The following ALG9 variants were observed in gnomAD, a reference collection of about 807,000 sequenced individuals.
ALG9 encodes the protein alpha-1,2-mannosyltransferase ALG9.
Under a neutral mutation model 81.8 loss-of-function variants are expected in ALG9, and 55 were observed. That is an observed-to-expected ratio of 0.67 (90% CI 0.54 to 0.84). ALG9 has a LOEUF of 0.84. Ranked by LOEUF, ALG9 falls within the 40% of genes least tolerant of loss-of-function variation. The pLI is 0.00. For missense variants in ALG9, 629 were observed against 745.0 expected (o/e 0.84, Z 1.81); for synonymous variants, 278 against 274.3 (o/e 1.01, Z -0.13).
chr11:111,786,508 C>T lies in ALG9; in HGVS notation c.1746G>A (p.Leu582=). 3 of 1,613,902 alleles carry T rather than the reference C, an allele frequency of 1.9e-6. No homozygotes were observed. The highest frequency in any genetic ancestry group is 3.3e-4 in the Middle Eastern group (2 of 6,060). Residue 582 remains leucine, a synonymous_variant, in exon 15 of 15, where the codon CTG becomes CTA. Coordinates refer to ENST00000616540, the MANE Select transcript of ALG9 (RefSeq NM_024740.2). ...PFLDASRSSK[L]LRAFYVPFLS... ...GGAAGGGGACATAGAATGCCCGCAGCAGCTTTGAAGATCTGAAAAACAAGG... is the reference window on the plus strand; with the variant it reads ...GGAAGGGGACATAGAATGCCCGCAGTAGCTTTGAAGATCTGAAAAACAAGG...
the ALG9 span, among the ~76,000 whole-genome samples, chr11:111,768,445 A>G: frequency 6.6e-6 from 1 of 152,094 alleles, no homozygotes; most frequent in Non-Finnish European, 1.5e-5. Context: ...ATATTCGTAA[A>G]TTTAAATAAC....
chr11:111,775,153 C>T, the ALG9 span, among the ~76,000 whole-genome samples: 1 of 152,176 alleles, frequency 6.6e-6, no homozygotes, highest in Non-Finnish European at 1.5e-5. Context: ...GCTAGGCACA[C>T]TGCCCCCAGG....
At chr11:111,806,285 A>G (rs1409373883) in intron 14 of ALG9, among the ~76,000 whole-genome samples, 3 of 152,154 alleles carry the variant, frequency 2.0e-5, no homozygotes, top group African/African-American at 7.2e-5. Context: ...AGACTTGTCC[A>G]TATTTGCTAC....
chr11:111,817,472 A>C (rs1555098659), intron 13 of ALG9: 1 of 152,184 alleles, frequency 6.6e-6, no homozygotes, highest in Non-Finnish European at 1.5e-5. Flanking sequence ...ACTGCACTCC[A>C]GGCTGGGAGA....
chr11:111,870,188 T>C (rs1963847768), intron 2 of ALG9, 44 bp downstream of exon 2: 2 of 1,597,686 alleles, frequency 1.3e-6, no homozygotes, highest in Non-Finnish European at 8.5e-7. Flanking sequence ...ACACCTATGC[T>C]GCAAAATCAA....
chr11:111,820,958 T>C (rs1952256281), intron 13 of ALG9, among the ~76,000 whole-genome samples: 1 of 150,288 alleles, frequency 6.7e-6, no homozygotes, highest in East Asian at 1.9e-4. Context: ...AAGCCAGGTA[T>C]GGTGGTGTGC....
intron 13 of ALG9, among the ~76,000 whole-genome samples, chr11:111,827,228 G>A (rs1204679776): frequency 2.6e-5 from 4 of 152,156 alleles, no homozygotes; most frequent in Admixed American, 6.5e-5. Context: ...TGTAATCCCA[G>A]CACTCTGGAA....
intron 8 of ALG9, among the ~76,000 whole-genome samples, chr11:111,850,966 A>G (rs1352181083): frequency 6.6e-6 from 1 of 152,094 alleles, no homozygotes; most frequent in Non-Finnish European, 1.5e-5. Flanking sequence ...TCATTAAAGT[A>G]GGCAGAAAGA....
downstream of ALG9, among the ~76,000 whole-genome samples, chr11:111,781,319 T>G (rs1945925077): frequency 6.6e-6 from 1 of 152,170 alleles, no homozygotes; most frequent in Non-Finnish European, 1.5e-5. Flanking sequence ...AAAAATTTAT[T>G]CCAGCTGGGT....
intron 3 of ALG9, 71 bp downstream of exon 3, chr11:111,868,530 CT>C: frequency 6.5e-7 from 1 of 1,531,420 alleles, no homozygotes; most frequent in Non-Finnish European, 8.8e-7. Context: ...TCATTTTGTC[CT>C]TTTCTCAAAA....
the ALG9 span, among the ~76,000 whole-genome samples, chr11:111,775,196 G>C: frequency 6.6e-6 from 1 of 152,190 alleles, no homozygotes; most frequent in Non-Finnish European, 1.5e-5. Flanking sequence ...TTTAGCAACA[G>C]CAGGGCCAAC....
chr11:111,846,298 C>T (rs1176217357), intron 8 of ALG9, among the ~76,000 whole-genome samples: 3 of 152,120 alleles, frequency 2.0e-5, no homozygotes, highest in Non-Finnish European at 4.4e-5. Context: ...TGAAGAAAAA[C>T]CATAGAGTGA....
Position 111,850,706 on chromosome 11 carries a change from C to CAAAAAAAAAAAAAAAA in ALG9, c.895+2658_895+2673dup, listed in dbSNP as rs782114013. Among the ~76,000 whole-genome samples the CAAAAAAAAAAAAAAAA allele has an allele frequency of 1.5e-3, 97 of 66,656 alleles. 14 individuals carry two copies. The highest frequency in any genetic ancestry group is 8.2e-3 in the African/African-American group (89 of 10,846). 43.7% of individuals were successfully genotyped at this position (66,656 alleles called of 152,430 possible). A position where few individuals can be genotyped will look rare whatever the true frequency, so the allele number is the denominator to read the frequency against. ...CGGGTGACAGAGCGAGATACTGTCT[C>CAAAAAAAAAAAAAAAA]AAAAAAAAAAAAAAAAAATCAGACA... is the stretch of plus-strand genomic sequence containing the variant. On this transcript the variant is annotated intron_variant, in intron 8 of 14. Transcript: ENST00000616540.
At chr11:111,781,409 C>A (rs1251406652), downstream of ALG9, among the ~76,000 whole-genome samples, 1 of 152,098 alleles carries the variant, frequency 6.6e-6, no homozygotes, top group Non-Finnish European at 1.5e-5. Flanking sequence ...CCAGCCTGAA[C>A]AATGTAACAC....
At chr11:111,800,676 A>G (rs964919145) in intron 14 of ALG9, among the ~76,000 whole-genome samples, 3 of 151,980 alleles carry the variant, frequency 2.0e-5, no homozygotes, top group Admixed American at 2.0e-4. Context: ...AACACATAAC[A>G]CATTTTGTAA....
At chr11:111,809,341 C>A (rs1177610000) in intron 14 of ALG9, among the ~76,000 whole-genome samples, 2 of 151,876 alleles carry the variant, frequency 1.3e-5, no homozygotes, top group African/African-American at 4.8e-5. Flanking sequence ...ACCAGCCTGG[C>A]CAACATGGTA....
intron 8 of ALG9, chr11:111,845,143 A>C (rs1956771674): frequency 5.3e-6 from 1 of 188,394 alleles, no homozygotes; most frequent in Non-Finnish European, 1.1e-5. Context: ...GAGTGATAAA[A>C]AAACTTAGTT....
At chr11:111,870,824 G>A in intron 1 of ALG9, 1 of 1,005,944 alleles carries the variant, frequency 9.9e-7, no homozygotes, top group Non-Finnish European at 1.2e-6. Flanking sequence ...TCTTAACAAG[G>A]TCATTGCTTT....
At chr11:111,776,187 A>C in the ALG9 span, among the ~76,000 whole-genome samples, 1 of 152,100 alleles carries the variant, frequency 6.6e-6, no homozygotes, top group Non-Finnish European at 1.5e-5. Flanking sequence ...TAAATAACAA[A>C]AAATAAATAA....
Sources: allele counts gnomAD v4.1 joint callset (sites outside exome capture counted in the v4.1 genomes callset), GRCh38; gene constraint gnomAD v4.1.1; transcripts MANE v1.5; gene names NCBI Gene and HGNC (gene_info 2026-07-23, HGNC 2026-07-21).